KLHL1: variants seen among roughly 807,000 people sequenced by gnomAD.
The protein encoded by KLHL1 is kelch like family member 1, also known as kelch-like protein 1.
Under a neutral mutation model 77.7 loss-of-function variants are expected in KLHL1, and 47 were observed. That is an observed-to-expected ratio of 0.60 (90% CI 0.48 to 0.77). KLHL1 has a LOEUF of 0.77. Among genes scored for constraint, KLHL1 ranks in the 30% least tolerant of loss-of-function variants. The pLI is 0.00. For missense variants in KLHL1, 925 were observed against 910.8 expected (o/e 1.02, Z -0.20); for synonymous variants, 360 against 325.2 (o/e 1.11, Z -1.15).
At chr13:69,878,996 C>T (rs1483682916) in intron 5 of KLHL1, among the ~76,000 whole-genome samples, 7 of 152,024 alleles carry the variant, frequency 4.6e-5, no homozygotes, top group Admixed American at 3.9e-4. Context: ...CAAACTATCA[C>T]AAGGAGAAAA....
chr13:69,879,307 T>C (rs1196152209), intron 5 of KLHL1, among the ~76,000 whole-genome samples: 1 of 152,224 alleles, frequency 6.6e-6, no homozygotes, highest in African/African-American at 2.4e-5. Context: ...TGCTATAATA[T>C]TGCTGTGACA....
intron 4 of KLHL1, among the ~76,000 whole-genome samples, chr13:69,916,731 A>T (rs985277503): frequency 2.0e-5 from 3 of 152,238 alleles, no homozygotes; most frequent in Non-Finnish European, 4.4e-5. Context: ...CCTAAAACTT[A>T]AAGTATAATA....
At chr13:70,011,594 T>A (rs573036831) in intron 1 of KLHL1, among the ~76,000 whole-genome samples, 1 of 152,252 alleles carries the variant, frequency 6.6e-6, no homozygotes, top group South Asian at 2.1e-4. Context: ...AGTGATAGAG[T>A]TATCCCTATC....
intron 2 of KLHL1, among the ~76,000 whole-genome samples, chr13:69,973,848 G>T (rs1884466027): frequency 6.6e-6 from 1 of 151,940 alleles, no homozygotes; most frequent in Non-Finnish European, 1.5e-5. Flanking sequence ...TTAATTGGGA[G>T]GTCATTAGGC....
At chr13:69,819,486 T>G (rs891178690) in intron 6 of KLHL1, among the ~76,000 whole-genome samples, 3 of 152,186 alleles carry the variant, frequency 2.0e-5, no homozygotes, top group Non-Finnish European at 2.9e-5. Context: ...ATTCTTATTA[T>G]TAGGCACACT....
At chr13:69,731,192 T>A (rs1873529842) in intron 8 of KLHL1, among the ~76,000 whole-genome samples, 1 of 152,144 alleles carries the variant, frequency 6.6e-6, no homozygotes, top group African/African-American at 2.4e-5. Flanking sequence ...TTAACACAAA[T>A]GAACATAATT....
chr13:69,945,881 A>G (rs1883509391), intron 3 of KLHL1, among the ~76,000 whole-genome samples: 1 of 152,224 alleles, frequency 6.6e-6, no homozygotes, highest in African/African-American at 2.4e-5. Context: ...GAATGTTTGC[A>G]GAAAATTTAT....
Position 69,780,729 on chromosome 13 carries a change from T to C in KLHL1, c.1639+16009A>G, listed in dbSNP as rs372986623. ...ATATATATATATGTATATATATATA[T>C]ATACATATATATATACATATATATA... On this transcript the variant is annotated intron_variant, in intron 7 of 10. Coordinates refer to ENST00000377844, the MANE Select transcript of KLHL1 (RefSeq NM_020866.3). Among the ~76,000 whole-genome samples, 111 of 67,626 alleles carry C rather than the reference T, an allele frequency of 1.6e-3. 3 individuals carry two copies. The highest frequency in any genetic ancestry group is 0.012 in the East Asian group (42 of 3,514). 44.4% of individuals were successfully genotyped at this position (67,626 alleles called of 152,430 possible). A position where few individuals can be genotyped will look rare whatever the true frequency, so the allele number is the denominator to read the frequency against.
intron 1 of KLHL1, among the ~76,000 whole-genome samples, chr13:70,099,355 G>A (rs944555770): frequency 4.6e-5 from 7 of 151,678 alleles, no homozygotes; most frequent in African/African-American, 1.7e-4. Context: ...TATTGGCAAT[G>A]AAGATAAAAG....
chr13:69,834,434 A>G (rs1878900505), intron 6 of KLHL1, among the ~76,000 whole-genome samples: 1 of 151,972 alleles, frequency 6.6e-6, no homozygotes, highest in Non-Finnish European at 1.5e-5. Context: ...TTGTGTCGGT[A>G]ACAGCAGTCT....
intron 6 of KLHL1, among the ~76,000 whole-genome samples, chr13:69,810,331 A>G (rs1877815858): frequency 6.6e-6 from 1 of 152,274 alleles, no homozygotes; most frequent in East Asian, 1.9e-4. Flanking sequence ...TTTTAATTAT[A>G]TGAAGCATCT....
intron 1 of KLHL1, among the ~76,000 whole-genome samples, chr13:70,095,721 C>T (rs1887773194): frequency 6.6e-6 from 1 of 151,970 alleles, no homozygotes; most frequent in Non-Finnish European, 1.5e-5. Context: ...TTTGAGAGGA[C>T]AATAAATTAT....
At chr13:70,016,630 G>A (rs1336452531) in intron 1 of KLHL1, among the ~76,000 whole-genome samples, 1 of 152,170 alleles carries the variant, frequency 6.6e-6, no homozygotes, top group Non-Finnish European at 1.5e-5. Flanking sequence ...GGATCGAAGG[G>A]AGGCTGAGAG....
chr13:69,716,518 G>T (rs1876127141), intron 9 of KLHL1, among the ~76,000 whole-genome samples: 1 of 152,054 alleles, frequency 6.6e-6, no homozygotes, highest in African/African-American at 2.4e-5. Flanking sequence ...GATCCCTCTG[G>T]CAACTGTAAG....
rs4053611 is a variant in KLHL1 at position 70,082,311 on chromosome 13, T to TCACACACACA, written c.497+24882_497+24891dup. ...CAGGAGCCCTTCCTCCTTGGACCTG[T>TCACACACACA]CACACACACACACACACACACACAC... On this transcript the variant is annotated intron_variant, in intron 1 of 10. Coordinates refer to ENST00000377844, the MANE Select transcript of KLHL1 (RefSeq NM_020866.3). 6.8e-4 allele frequency among the ~76,000 whole-genome samples: 75 copies of TCACACACACA among 111,022 alleles called. 1 individual carries two copies. The highest frequency in any genetic ancestry group is 2.0e-3 in the South Asian group (5 of 2,524). The allele number at this position is 111,022 out of a possible 152,430, so 72.8% of individuals were successfully genotyped here. A position where few individuals can be genotyped will look rare whatever the true frequency, so the allele number is the denominator to read the frequency against.
intron 9 of KLHL1, among the ~76,000 whole-genome samples, chr13:69,717,770 T>A (rs1690533721): frequency 6.6e-6 from 1 of 152,054 alleles, no homozygotes; most frequent in South Asian, 2.1e-4. Context: ...GCAGCATTTT[T>A]AAAATAAATG....
intron 1 of KLHL1, among the ~76,000 whole-genome samples, chr13:69,977,003 G>A (rs773945162): frequency 3.9e-5 from 6 of 152,028 alleles, no homozygotes; most frequent in South Asian, 4.1e-4. Context: ...AGGATAATAC[G>A]AAGACTGAAA....
chr13:69,836,522 G>A (rs1214465874), intron 6 of KLHL1, among the ~76,000 whole-genome samples: 1 of 152,030 alleles, frequency 6.6e-6, no homozygotes, highest in East Asian at 1.9e-4. Context: ...AACATTGAAA[G>A]CCAAACAAGA....
At chr13:69,976,154 C>T (rs376634403) in intron 1 of KLHL1, among the ~76,000 whole-genome samples, 2 of 151,810 alleles carry the variant, frequency 1.3e-5, no homozygotes, top group Non-Finnish European at 2.9e-5. Flanking sequence ...ATGTTAATTT[C>T]GTTCATTTGA....
Sources: allele counts gnomAD v4.1 joint callset (sites outside exome capture counted in the v4.1 genomes callset), GRCh38; gene constraint gnomAD v4.1.1; transcripts MANE v1.5; gene names NCBI Gene and HGNC (gene_info 2026-07-23, HGNC 2026-07-21).